MCC: variants seen among roughly 807,000 people sequenced by gnomAD.
The protein encoded by MCC is colorectal mutant cancer protein.
A neutral mutation model predicts 116.2 loss-of-function variants in MCC; 90 were observed. The ratio of observed to expected loss-of-function variants is 0.77; its 90% CI spans 0.65 to 0.92. The LOEUF is 0.92. MCC is among the 40% of genes least tolerant of loss of function. MCC has a pLI of 0.00. For missense variants in MCC, 1,516 were observed against 1,312.2 expected (o/e 1.16, Z -2.40); for synonymous variants, 578 against 510.5 (o/e 1.13, Z -1.78).
intron 5 of MCC, among the ~76,000 whole-genome samples, chr5:113,137,969 A>G (rs564828520): frequency 6.6e-6 from 1 of 152,090 alleles, no homozygotes; most frequent in African/African-American, 2.4e-5. Context: ...CTGTAGCTAT[A>G]AGGGATGGGA....
intron 3 of MCC, among the ~76,000 whole-genome samples, chr5:113,258,133 C>T (rs1765088774): frequency 6.6e-6 from 1 of 152,138 alleles, no homozygotes; most frequent in Non-Finnish European, 1.5e-5. Flanking sequence ...GAGCACATTG[C>T]AAGGGGTCCT....
At chr5:113,353,895 G>C (rs971397880) in intron 2 of MCC, among the ~76,000 whole-genome samples, 3 of 152,148 alleles carry the variant, frequency 2.0e-5, no homozygotes, top group African/African-American at 7.2e-5. Context: ...TTCAGGAATG[G>C]TATGAAGACA....
intron 8 of MCC, among the ~76,000 whole-genome samples, chr5:113,098,048 A>C (rs899938581): frequency 1.3e-5 from 2 of 152,224 alleles, no homozygotes; most frequent in Non-Finnish European, 2.9e-5. Flanking sequence ...AAATCTGAAG[A>C]ATTTCTAGAA....
rs559735954 is a variant in MCC at position 113,333,231 on chromosome 5, G to A, written c.627+7288C>T. Among the ~76,000 whole-genome samples the A allele has an allele frequency of 3.3e-5, 5 of 151,790 alleles. No homozygotes were observed. The East Asian group carries it at 5.8e-4, about 18-fold the overall frequency. ...AAGATGTTTCTGTATTGGATGAAAC[G>A]TGTGGATGTGCAGTATTCTCCAAAG... On this transcript the variant is annotated intron_variant, in intron 3 of 18. Coordinates refer to ENST00000408903, the MANE Select transcript of MCC (RefSeq NM_001085377.2).
chr5:113,185,209 C>T (rs1761841622), intron 3 of MCC, among the ~76,000 whole-genome samples: 1 of 152,102 alleles, frequency 6.6e-6, no homozygotes, highest in African/African-American at 2.4e-5. Flanking sequence ...CATGAGGTCC[C>T]AATTCTCTAG....
chr5:113,073,656 C>CT (rs565478702), intron 11 of MCC, among the ~76,000 whole-genome samples: 22,193 of 144,158 alleles, frequency 0.15, 1,833 homozygotes, highest in Middle Eastern at 0.23. Flanking sequence ...CATATGGCTG[C>CT]TTTTTTTTTT....
chr5:113,037,434 C>T (rs532475485), intron 17 of MCC, among the ~76,000 whole-genome samples: 3 of 152,190 alleles, frequency 2.0e-5, no homozygotes, highest in East Asian at 3.9e-4. Flanking sequence ...GGCTCATGCC[C>T]GTAATCCCAG....
At chr5:113,057,733 C>T (rs1370872649) in intron 14 of MCC, among the ~76,000 whole-genome samples, 2 of 152,224 alleles carry the variant, frequency 1.3e-5, no homozygotes, top group African/African-American at 4.8e-5. Flanking sequence ...CGTACAAAAC[C>T]CCCAAGTAGA....
chr5:113,080,297 T>C (rs573754118), intron 11 of MCC, among the ~76,000 whole-genome samples: 1 of 152,320 alleles, frequency 6.6e-6, no homozygotes, highest in South Asian at 2.1e-4. Flanking sequence ...GCCATCCCAT[T>C]ACTGAGCATA....
chr5:113,438,294 A>G (rs1316291850), intron 1 of MCC, among the ~76,000 whole-genome samples: 2 of 152,162 alleles, frequency 1.3e-5, no homozygotes, highest in Admixed American at 1.3e-4. Flanking sequence ...CAAGGGTTCC[A>G]TCTGCCGTAC....
chr5:113,086,211 C>G (rs954042788), intron 8 of MCC, among the ~76,000 whole-genome samples: 2 of 152,168 alleles, frequency 1.3e-5, no homozygotes, highest in Non-Finnish European at 2.9e-5. Flanking sequence ...ATAACTCCAG[C>G]TGAAGTCATC....
At chr5:113,287,328 T>A (rs1013356954) in intron 3 of MCC, among the ~76,000 whole-genome samples, 13 of 152,122 alleles carry the variant, frequency 8.5e-5, no homozygotes, top group Admixed American at 7.9e-4. Flanking sequence ...GAAATCTTCA[T>A]CAACAACTTC....
rs1178764422 is a variant in MCC at position 113,025,691 on chromosome 5, C to A, written c.*1611G>T. 2 of 151,934 alleles carry A rather than the reference C, an allele frequency of 1.3e-5. No homozygotes were observed. Among genetic ancestry groups the A allele is most frequent in the Non-Finnish European group, 2.9e-5 (2 of 68,014 alleles). 9.4% of individuals were successfully genotyped at this position (151,934 alleles called of 1,614,324 possible). A position where few individuals can be genotyped will look rare whatever the true frequency, so the allele number is the denominator to read the frequency against. On this transcript the variant is annotated 3_prime_UTR_variant, in exon 19 of 19. Coordinates refer to ENST00000408903, the MANE Select transcript of MCC (RefSeq NM_001085377.2). ...GTGATCAAAGCACCCCAAAGCTGGT[C>A]CTTCTAGACTGATACCAGTTGATCT...
chr5:113,161,636 G>A (rs1034122389), intron 3 of MCC, among the ~76,000 whole-genome samples: 16 of 9,040 alleles, frequency 1.8e-3, no homozygotes, highest in African/African-American at 2.1e-3. Context: ...GTGTGTGTGT[G>A]TGTGTGTGTG....
rs372895771 is a variant in MCC, at chr5:113,071,078, C to A, written c.1925+16G>T. On this transcript the variant is annotated intron_variant, in intron 12 of 18. Coordinates refer to ENST00000408903, the MANE Select transcript of MCC (RefSeq NM_001085377.2). ...TCTACCCTGAAGTAGCTCCAAACATCCCAGTGTGTGCCTACCTGTACTGCA... is the reference window on the plus strand; with the variant it reads ...TCTACCCTGAAGTAGCTCCAAACATACCAGTGTGTGCCTACCTGTACTGCA... The A allele has an allele frequency of 1.2e-6, 2 of 1,602,554 alleles. No individual in the cohort carries two copies.
intron 6 of MCC, among the ~76,000 whole-genome samples, chr5:113,110,974 C>T (rs188508227): frequency 6.6e-5 from 10 of 152,294 alleles, no homozygotes; most frequent in Admixed American, 4.6e-4. Flanking sequence ...GCCCAACCCA[C>T]AGTGCTCCTC....
chr5:113,488,237 C>T lies in MCC; in HGVS notation c.170+8G>A. The T allele has an allele frequency of 3.2e-6, 5 of 1,587,076 alleles. No homozygotes were observed. Among genetic ancestry groups the T allele is most frequent in the Middle Eastern group, 1.7e-4 (1 of 5,990 alleles). ...CTCCTGTCGGTTTCCTCGTACCTCC[C>T]CGCGTACCTGCTGATGTATCCGTCC... On this transcript the variant is annotated splice_region_variant and intron_variant, in intron 1 of 18. Coordinates refer to ENST00000408903, the MANE Select transcript of MCC (RefSeq NM_001085377.2).
Position 113,333,001 on chromosome 5 carries a change from A to G in MCC, c.627+7518T>C, listed in dbSNP as rs76355534. On this transcript the variant is annotated intron_variant, in intron 3 of 18. Transcript: ENST00000408903. ...CATCAAGGTAGCAGATCTCAATAAGAGGGAGAATAATAAGGACTGTGGGAA... is the reference window on the plus strand; with the variant it reads ...CATCAAGGTAGCAGATCTCAATAAGGGGGAGAATAATAAGGACTGTGGGAA... Among the ~76,000 whole-genome samples, 1,082 of 151,746 alleles carry G rather than the reference A, an allele frequency of 7.1e-3. 51 individuals carry two copies. Among genetic ancestry groups the G allele is most frequent in the African/African-American group, 0.025 (1,036 of 41,068 alleles).
intron 1 of MCC, among the ~76,000 whole-genome samples, chr5:113,453,194 A>G (rs1485599055): frequency 2.0e-5 from 3 of 152,096 alleles, no homozygotes; most frequent in African/African-American, 7.2e-5. Context: ...AGACAGATGC[A>G]TTGTTACATC....
Sources: gnomAD v4.1 joint callset for allele counts (sites outside exome capture counted in the v4.1 genomes callset) on GRCh38, gnomAD v4.1.1 for gene constraint, MANE v1.5 for transcripts, NCBI Gene and HGNC (gene_info 2026-07-23, HGNC 2026-07-21) for gene names.